Variants in CHRNA6 observed in about 807,000 individuals in gnomAD.
CHRNA6 encodes the protein neuronal acetylcholine receptor subunit alpha-6.
Under a neutral mutation model 40.9 loss-of-function variants are expected in CHRNA6, and 31 were observed. The observed-to-expected ratio is 0.76, with a 90% CI of 0.57 to 1.02. The LOEUF (loss-of-function observed/expected upper bound fraction) is 1.02, where lower values mean the gene tolerates loss of function less well. Among genes scored for constraint, CHRNA6 ranks in the 50% least tolerant of loss-of-function variants. CHRNA6 has a pLI of 0.00. For synonymous variants in CHRNA6, 222 were observed against 221.3 expected, an observed-to-expected ratio of 1.00 and a Z score of -0.03; for missense variants, 546 against 596.6, an observed-to-expected ratio of 0.92 and a Z score of 0.88.
At chr8:42,764,960 A>C in intron 2 of CHRNA6, 105 bp downstream of exon 2, 15 of 1,271,080 alleles carry the variant, frequency 1.2e-5, no homozygotes, top group Non-Finnish European at 1.6e-5. Flanking sequence ...TTGAAGGGCC[A>C]GATCTCGTGT....
At chr8:42,757,568 CAAA>C (rs1554594122) in intron 3 of CHRNA6, among the ~76,000 whole-genome samples, 2 of 115,150 alleles carry the variant, frequency 1.7e-5, no homozygotes. Flanking sequence ...ACTAAAAATA[CAAA>C]AAAAAAAAAA....
At chr8:42,761,186 A>G (rs1014065647) in intron 2 of CHRNA6, among the ~76,000 whole-genome samples, 10 of 152,218 alleles carry the variant, frequency 6.6e-5, no homozygotes, top group African/African-American at 2.4e-4. Context: ...AAGACAGGGT[A>G]AGCCCCGGGA....
At position 42,756,118 on chromosome 8, in the gene CHRNA6, T is replaced by C; in HGVS notation, c.1081A>G (p.Lys361Glu). The C allele has an allele frequency of 6.2e-7, 1 of 1,614,290 alleles. No individual in the cohort carries two copies. Among genetic ancestry groups the C allele is most frequent in the Non-Finnish European group, 8.5e-7 (1 of 1,180,054 alleles). The change falls in exon 5 of 6, where the codon AAG becomes GAG. Residue 361 changes from lysine (K) to glutamate (E), a missense_variant. Lys to Glu is a moderately conservative substitution (Grantham distance 56). This residue lies in a region of CHRNA6 where 476 missense variants were observed against 494.5 expected (regional missense o/e 0.96). Coordinates refer to ENST00000276410, the MANE Select transcript of CHRNA6 (RefSeq NM_004198.3). Reference sequence around the variant, plus strand: ...GCATCAGAGCCTGTGCCCCTTGTCTTGTCCAGAGGCCACCTCATCAGCAGG... The same window carrying C: ...GCATCAGAGCCTGTGCCCCTTGTCTCGTCCAGAGGCCACCTCATCAGCAGG... The part of the protein sequence containing the change: ...QVLLMRWPLD[K>E]TRGTGSDAVP...
At chr8:42,755,465 T>C (rs925574552) in intron 5 of CHRNA6, among the ~76,000 whole-genome samples, 3 of 152,064 alleles carry the variant, frequency 2.0e-5, no homozygotes, top group Admixed American at 6.6e-5. Context: ...TTAGTAGAGA[T>C]GGGGTTTCCC....
At position 42,768,697 on chromosome 8, in the gene CHRNA6, T is replaced by G. The variant is rs1174067316; in HGVS notation, c.-267A>C. ...TCCTGACAGCCTAGATGTCTCTTCA[T>G]GCAAGAAAGGGGAAGAAAAGCAGAA... is the stretch of plus-strand genomic sequence containing the variant. On this transcript the variant is annotated 5_prime_UTR_variant, in exon 1 of 6. An upstream start codon of the reference 5' UTR is lost. Coordinates refer to ENST00000276410, the MANE Select transcript of CHRNA6 (RefSeq NM_004198.3). 2.9e-6 allele frequency: 1 copy of G among 342,414 alleles called. No individual in the cohort carries two copies. The highest frequency in any genetic ancestry group is 5.4e-6 in the Non-Finnish European group (1 of 186,810). 21.2% of individuals were successfully genotyped at this position (342,414 alleles called of 1,614,324 possible).
chr8:42,760,781 G>T (rs966756024), intron 2 of CHRNA6, among the ~76,000 whole-genome samples: 6 of 152,234 alleles, frequency 3.9e-5, no homozygotes, highest in Admixed American at 2.6e-4. Context: ...AGTCAGGGCT[G>T]TGTGGAGGAA....
chr8:42,762,260 C>T (rs1459338126), intron 2 of CHRNA6, among the ~76,000 whole-genome samples: 1 of 152,190 alleles, frequency 6.6e-6, no homozygotes, highest in Admixed American at 6.5e-5. Context: ...TTTATATTTA[C>T]ACTAAAACCT....
rs201856103 is a variant in CHRNA6, at chr8:42,756,618, T to G, written c.581A>C (p.Lys194Thr). The G allele has an allele frequency of 6.2e-7, 1 of 1,614,150 alleles. No individual in the cohort carries two copies. Among genetic ancestry groups the G allele is most frequent in the Non-Finnish European group, 8.5e-7 (1 of 1,180,012 alleles). The change falls in exon 5 of 6, where the codon AAA becomes ACA. Residue 194 changes from lysine (K) to threonine (T), a missense_variant. Physicochemically the swap from Lys to Thr is moderately conservative, Grantham distance 78. Coordinates refer to ENST00000276410, the MANE Select transcript of CHRNA6 (RefSeq NM_004198.3). ...AEIDLLIIGS[K>T]VDMNDFWENS... is the part of the protein sequence containing the mutation. ...TTCCCAAAAATCATTCATATCCACTTTTGATCCAATGATTAGAAGATCAAT... is the reference window on the plus strand; with the variant it reads ...TTCCCAAAAATCATTCATATCCACTGTTGATCCAATGATTAGAAGATCAAT...
At chr8:42,767,846 A>G (rs2128912924) in intron 1 of CHRNA6, among the ~76,000 whole-genome samples, 1 of 152,322 alleles carries the variant, frequency 6.6e-6, no homozygotes, top group South Asian at 2.1e-4. Context: ...GATTTTGTTC[A>G]GCAGAACAGC....
chr8:42,758,999 G>T, intron 3 of CHRNA6, 70 bp downstream of exon 3: 1 of 1,155,572 alleles, frequency 8.7e-7, no homozygotes, highest in Non-Finnish European at 1.3e-6. Flanking sequence ...AGTTGGAGAT[G>T]GAACAAGGTA....
intron 3 of CHRNA6, among the ~76,000 whole-genome samples, chr8:42,758,199 A>G (rs1002568530): frequency 2.6e-5 from 4 of 152,268 alleles, no homozygotes; most frequent in African/African-American, 9.6e-5. Flanking sequence ...TGTATTGATT[A>G]TTAGTTAGCT....
chr8:42,761,445 G>C (rs1421640095), intron 2 of CHRNA6, among the ~76,000 whole-genome samples: 1 of 152,252 alleles, frequency 6.6e-6, no homozygotes, highest in African/African-American at 2.4e-5. Flanking sequence ...AAGGCCTTGG[G>C]GGTGAGGGCA....
chr8:42,760,237 A>T (rs1468362511), intron 2 of CHRNA6, among the ~76,000 whole-genome samples: 1 of 151,988 alleles, frequency 6.6e-6, no homozygotes, highest in African/African-American at 2.4e-5. Flanking sequence ...ACTCATACAC[A>T]CGCACACTCA....
At chr8:42,761,779 C>T (rs1288172097) in intron 2 of CHRNA6, among the ~76,000 whole-genome samples, 1 of 152,198 alleles carries the variant, frequency 6.6e-6, no homozygotes, top group African/African-American at 2.4e-5. Flanking sequence ...GGTGCCATCA[C>T]CCTGTACCTC....
chr8:42,760,088 A>T (rs1000107126), intron 2 of CHRNA6, among the ~76,000 whole-genome samples: 7 of 152,216 alleles, frequency 4.6e-5, no homozygotes, highest in African/African-American at 1.7e-4. Context: ...CATGTGTCTT[A>T]GCTGTTAGAT....
At chr8:42,764,918 G>A (rs1816952020) in intron 2 of CHRNA6, 147 bp downstream of exon 2, 1 of 796,342 alleles carries the variant, frequency 1.3e-6, no homozygotes, top group South Asian at 1.8e-5. Context: ...CAGCATTGGT[G>A]GGAAAACTGC....
In CHRNA6 at chr8:42,755,240, C is replaced by G. The variant is rs868305405; in HGVS notation, c.1353+606G>C. Among the ~76,000 whole-genome samples the G allele has an allele frequency of 4.7e-5, 7 of 148,286 alleles. No individual in the cohort carries two copies. In the South Asian group the frequency reaches 1.5e-3, roughly 32 times the overall value. On this transcript the variant is annotated intron_variant, in intron 5 of 5. Coordinates refer to ENST00000276410, the MANE Select transcript of CHRNA6 (RefSeq NM_004198.3). ...TCACTATGTTGCCCAGGCTGAGGCT[C>G]TTAGTTTCATTAACTGAGGTTGCCC...
intron 1 of CHRNA6, among the ~76,000 whole-genome samples, chr8:42,766,033 G>A (rs968901191): frequency 6.6e-6 from 1 of 152,100 alleles, no homozygotes; most frequent in Non-Finnish European, 1.5e-5. Context: ...CCTAGAACCC[G>A]AAATACCATT....
Position 42,756,629 on chromosome 8 carries a change from G to A in CHRNA6, c.570C>T (p.Ile190=), listed in dbSNP as rs773376342. 1.2e-6 allele frequency: 2 copies of A among 1,614,018 alleles called. No individual in the cohort carries two copies. The highest frequency in any genetic ancestry group is 2.2e-5 in the South Asian group (2 of 91,052). ...TYDKAEIDLL[I]IGSKVDMNDF... ...CATTCATATCCACTTTTGATCCAAT[G>A]ATTAGAAGATCAATTTCAGCTTTGT... The change falls in exon 5 of 6, where the codon ATC becomes ATT. Residue 190 remains isoleucine, a synonymous_variant. Coordinates refer to ENST00000276410, the MANE Select transcript of CHRNA6 (RefSeq NM_004198.3).
Sources: gnomAD v4.1 joint callset for allele counts (sites outside exome capture counted in the v4.1 genomes callset) on GRCh38, gnomAD v4.1.1 for gene constraint, gnomAD v4.1.1 regional missense constraint, MANE v1.5 for transcripts, NCBI Gene and HGNC (gene_info 2026-07-23, HGNC 2026-07-21) for gene names.